Variants in PXDN observed in about 807,000 individuals in gnomAD.
The protein encoded by PXDN is peroxidasin, also known as peroxidasin homolog.
Under a neutral mutation model 140.3 loss-of-function variants are expected in PXDN, and 77 were observed. The observed-to-expected ratio is 0.55, with a 90% confidence interval of 0.46 to 0.66. The LOEUF is 0.66. PXDN is among the 30% of genes least tolerant of loss of function. The pLI is 0.00. For missense variants in PXDN, 1,838 were observed against 2,039.5 expected (o/e 0.90, Z 1.90); for synonymous variants, 911 against 857.4 (o/e 1.06, Z -1.09).
intron 1 of PXDN, among the ~76,000 whole-genome samples, chr2:1,720,403 A>ACAGAGAGAGGGAGGGATG (rs1489855622): frequency 4.9e-4 from 70 of 142,834 alleles, no homozygotes; most frequent in African/African-American, 1.7e-3. Flanking sequence ...AGAGAGATGC[A>ACAGAGAGAGGGAGGGATG]CAGAGAGAGG....
At chr2:1,692,418 G>A (rs571110865) in intron 2 of PXDN, 203 of 449,882 alleles carry the variant, frequency 4.5e-4, no homozygotes, top group African/African-American at 2.2e-3. Flanking sequence ...TGCTCCATTC[G>A]AGCGCACAGA....
chr2:1,717,852 G>A (rs969138300), intron 1 of PXDN, among the ~76,000 whole-genome samples: 3 of 147,258 alleles, frequency 2.0e-5, no homozygotes, highest in African/African-American at 7.6e-5. Context: ...CCCACTAACC[G>A]ACCACCCAAG....
intron 21 of PXDN, chr2:1,636,189 C>A: frequency 1.1e-5 from 1 of 91,780 alleles, no homozygotes; most frequent in Non-Finnish European, 2.4e-5. Flanking sequence ...AAACTCGCAC[C>A]TCATTAAAAC....
Position 1,714,228 on chromosome 2 carries a change from C to T in PXDN, c.201-21094G>A, listed in dbSNP as rs746725464. ...TTACTATGGATTTACACGTCACACC[C>T]GCAGCACCCTTGCGTAGGTAGTTGA... is the stretch of plus-strand genomic sequence containing the variant. On this transcript the variant is annotated intron_variant, in intron 1 of 22. Transcript: ENST00000252804. This position sits in a 1 kb window ranked among gnomAD's most constrained non-coding sequence, Gnocchi z 4.3. 5.3e-5 allele frequency among the ~76,000 whole-genome samples: 8 copies of T among 152,192 alleles called. No individual in the cohort carries two copies. Among genetic ancestry groups the T allele is most frequent in the East Asian group, 1.9e-4 (1 of 5,194 alleles).
Position 1,666,256 on chromosome 2 carries a change from T to G in PXDN, c.1249A>C (p.Asn417His). ...SGEYACSATN[N>H]IDSVHATAFI... ...GCGGTGGCATGGACGCTGTCAATGT[T>G]GTTGGTCGCAGAGCACGCATACTCT... The change falls in exon 10 of 23, where the codon AAC (asparagine) becomes CAC (histidine). Residue 417 changes from asparagine to histidine, a missense_variant. Transcript: ENST00000252804. 1.2e-6 allele frequency: 2 copies of G among 1,614,010 alleles called. No individual in the cohort carries two copies. The highest frequency in any genetic ancestry group is 1.7e-6 in the Non-Finnish European group (2 of 1,179,892).
chr2:1,663,158 G>A (rs1017097915), intron 12 of PXDN, among the ~76,000 whole-genome samples: 1 of 152,156 alleles, frequency 6.6e-6, no homozygotes, highest in African/African-American at 2.4e-5. Flanking sequence ...AGGGTCCAAG[G>A]ATGAGCGGGC....
chr2:1,679,633 T>TGTGTGTCTATAAATG (rs1683825434), intron 7 of PXDN, among the ~76,000 whole-genome samples: 1 of 148,542 alleles, frequency 6.7e-6, no homozygotes, highest in Non-Finnish European at 1.5e-5. Context: ...TCTGCACGTG[T>TGTGTGTCTATAAATG]GTGTGTCTAT....
chr2:1,634,374 G>A (rs1281664041), intron 22 of PXDN, 51 bp from the exon 23 acceptor site: 2 of 1,529,658 alleles, frequency 1.3e-6, no homozygotes, highest in African/African-American at 2.7e-5. Context: ...TGGCCTTCAG[G>A]TGAGCAAAGC....
chr2:1,697,652 G>A (rs1684329131), intron 1 of PXDN, among the ~76,000 whole-genome samples: 1 of 152,166 alleles, frequency 6.6e-6, no homozygotes, highest in Admixed American at 6.5e-5. Context: ...AAGATTGAAA[G>A]AGCACTTCAA....
chr2:1,658,081 T>C (rs11127329), intron 14 of PXDN, among the ~76,000 whole-genome samples: 13,507 of 22,004 alleles, frequency 0.61, 3,590 homozygotes, highest in East Asian at 0.72. Flanking sequence ...TCTCTCTCTC[T>C]CTCTCTCTCT....
At chr2:1,706,363 C>G (rs551583936) in intron 1 of PXDN, among the ~76,000 whole-genome samples, 1 of 152,202 alleles carries the variant, frequency 6.6e-6, no homozygotes, top group East Asian at 1.9e-4. Context: ...AAATCGGACA[C>G]GGTCTCACTG....
rs1342570166 is a variant in PXDN at position 1,660,117 on chromosome 2, G to A, written c.1837+764C>T. Among the ~76,000 whole-genome samples the A allele has an allele frequency of 6.6e-6, 1 of 152,194 alleles. No homozygotes were observed. The highest frequency in any genetic ancestry group is 2.4e-5 in the African/African-American group (1 of 41,452). ...GGAACACACCACTGATGAGGCGCAG[G>A]TTTGGGTCACACTGTGAAGACTCCA... is the stretch of plus-strand genomic sequence containing the variant. On this transcript the variant is annotated intron_variant, in intron 14 of 22. Transcript: ENST00000252804. The surrounding 1 kb of genome is among the most constrained non-coding windows in gnomAD (Gnocchi z 4.6).
At chr2:1,640,247 T>G (rs2125404762) in intron 19 of PXDN, among the ~76,000 whole-genome samples, 1 of 152,308 alleles carries the variant, frequency 6.6e-6, no homozygotes, top group Admixed American at 6.5e-5. Context: ...TAATGGGGTG[T>G]TCAGTCTGTC....
At chr2:1,726,509 G>C (rs1000577869) in intron 1 of PXDN, among the ~76,000 whole-genome samples, 1 of 151,682 alleles carries the variant, frequency 6.6e-6, no homozygotes, top group South Asian at 2.1e-4. Context: ...CAGCACACCA[G>C]CATGGCACAT....
chr2:1,693,078 C>T lies in PXDN; in HGVS notation c.257G>A (p.Arg86Lys). 1 of 1,555,720 alleles carries T rather than the reference C, an allele frequency of 6.4e-7. No homozygotes were observed. The highest frequency in any genetic ancestry group is 8.7e-7 in the Non-Finnish European group (1 of 1,147,142). The change falls in exon 2 of 23, where the codon AGG becomes AAG. Residue 86 changes from arginine to lysine, a missense_variant. This residue lies in a region of PXDN where 231 missense variants were observed against 201.5 expected (regional missense o/e 1.15). Coordinates refer to ENST00000252804, the MANE Select transcript of PXDN (RefSeq NM_012293.3). ...TTCCACTCACAATGTGTTCAAGTTCCTCAGCCGCCTGAATGCCCCAGGTTG... is the reference window on the plus strand; with the variant it reads ...TTCCACTCACAATGTGTTCAAGTTCTTCAGCCGCCTGAATGCCCCAGGTTG... ...EIQPGAFRRL[R>K]NLNTLLLNNN... is the part of the protein sequence containing the mutation.
intron 19 of PXDN, among the ~76,000 whole-genome samples, chr2:1,640,369 T>TGAGAAGAGAA (rs1339113329): frequency 1.3e-5 from 2 of 152,214 alleles, no homozygotes; most frequent in African/African-American, 4.8e-5. Context: ...AGAAATTCTA[T>TGAGAAGAGAA]GAGAAGAGAA....
At chr2:1,740,114 ACGCAGT>A (rs1240473395) in intron 1 of PXDN, among the ~76,000 whole-genome samples, 3 of 152,160 alleles carry the variant, frequency 2.0e-5, no homozygotes, top group Non-Finnish European at 4.4e-5. Flanking sequence ...CTCCCAGAAG[ACGCAGT>A]CAGATGTGAG....
intron 14 of PXDN, among the ~76,000 whole-genome samples, chr2:1,658,117 C>A (rs559500007): frequency 6.9e-6 from 1 of 145,608 alleles, no homozygotes; most frequent in East Asian, 2.0e-4. Flanking sequence ...CGTGCGTCCA[C>A]TCTCAGTGTC....
At position 1,662,101 on chromosome 2, in the gene PXDN, C is replaced by T. The variant is rs911353183; in HGVS notation, c.1651G>A (p.Glu551Lys). Residue 551 changes from glutamate to lysine, a missense_variant, in exon 13 of 23, where the codon GAG (glutamate) becomes AAG (lysine). Physicochemically the swap from Glu to Lys is moderately conservative, Grantham distance 56. Transcript: ENST00000252804. ...NVQLPCSSQG[E>K]PEPAITWNKD... The stretch of plus-strand genomic sequence containing the variant: ...TTCCAGGTGATGGCTGGCTCGGGCT[C>T]GCCCTGGGAGCTGCACGGGAGCTGC... 10 of 1,595,272 alleles carry T rather than the reference C, an allele frequency of 6.3e-6. No homozygotes were observed. The East Asian group carries it at 1.4e-4, about 22-fold the overall frequency.
Sources: gnomAD v4.1 joint callset for allele counts (sites outside exome capture counted in the v4.1 genomes callset) on GRCh38, gnomAD v4.1.1 for gene constraint, gnomAD v4.1.1 regional missense constraint, Gnocchi (gnomAD v3.1) non-coding constraint, MANE v1.5 for transcripts, NCBI Gene and HGNC (gene_info 2026-07-23, HGNC 2026-07-21) for gene names.